The following NGEF variants were observed in gnomAD, a reference collection of about 807,000 sequenced individuals.
The protein encoded by NGEF is ephexin-1.
In NGEF, 31 loss-of-function variants were observed where a neutral mutation model predicts 80.9. The ratio of observed to expected loss-of-function variants is 0.38; its 90% confidence interval spans 0.29 to 0.52. The LOEUF is 0.52. NGEF is among the 20% of genes least tolerant of loss of function. The pLI, the probability that NGEF is intolerant of heterozygous loss-of-function variation, is 0.84. For missense variants in NGEF, 709 were observed against 926.2 expected (o/e 0.77, Z 3.04); for synonymous variants, 371 against 370.2 (o/e 1.00, Z -0.03).
At chr2:232,934,530 T>C (rs1170447245) in intron 3 of NGEF, among the ~76,000 whole-genome samples, 2 of 152,212 alleles carry the variant, frequency 1.3e-5, no homozygotes, top group Admixed American at 6.5e-5. Flanking sequence ...TTCTAAGGCA[T>C]GTAACCTTCA....
intron 1 of NGEF, among the ~76,000 whole-genome samples, chr2:232,976,281 T>A (rs938570): frequency 6.6e-6 from 1 of 151,834 alleles, no homozygotes; most frequent in Non-Finnish European, 1.5e-5. Flanking sequence ...TCATCAGGAG[T>A]GTTTGTCTGT....
Position 232,884,133 on chromosome 2 carries a change from G to T in NGEF, c.1449C>A (p.Ile483=). ...KMEFKIKSVP[I]ISHSRWLLKQ... is the part of the protein sequence containing the mutation. Reference sequence around the variant, plus strand: ...TCAGCAGCCAGCGGGAGTGGGAGATGATGGGCACCGACTGCAGCGGGGAAA... The same window carrying T: ...TCAGCAGCCAGCGGGAGTGGGAGATTATGGGCACCGACTGCAGCGGGGAAA... Residue 483 remains isoleucine, a synonymous_variant, in exon 11 of 15, where the codon ATC becomes ATA. Transcript: ENST00000264051. 1 of 1,600,728 alleles carries T rather than the reference G, an allele frequency of 6.2e-7. No individual in the cohort carries two copies.
rs533144874 is a variant in NGEF at position 232,905,828 on chromosome 2, G to A, written c.829-10912C>T. On this transcript the variant is annotated intron_variant, in intron 5 of 14. Transcript: ENST00000264051. Reference sequence around the variant, plus strand: ...GAGAAGTGAGGAGCCCCTCCGCCCGGCTGCCACCCCGTCTGGGAAGTGAGG... The same window carrying A: ...GAGAAGTGAGGAGCCCCTCCGCCCGACTGCCACCCCGTCTGGGAAGTGAGG... The A allele has an allele frequency of 1.5e-4, 43 of 290,982 alleles. 1 individual carries two copies. Among genetic ancestry groups the A allele is most frequent in the Middle Eastern group, 1.1e-3 (1 of 870 alleles). The allele number at this position is 290,982 out of a possible 1,614,324, so 18.0% of individuals were successfully genotyped here. A position where few individuals can be genotyped will look rare whatever the true frequency, so the allele number is the denominator to read the frequency against.
intron 6 of NGEF, among the ~76,000 whole-genome samples, chr2:232,893,549 G>A (rs1248988261): frequency 5.9e-5 from 9 of 152,172 alleles, no homozygotes; most frequent in African/African-American, 1.2e-4. Flanking sequence ...CGAGGCGGGC[G>A]GATCACCTGA....
chr2:232,928,252 GGC>G, intron 3 of NGEF: 1 of 835,820 alleles, frequency 1.2e-6, no homozygotes, highest in Non-Finnish European at 1.4e-6. Context: ...GCGGCGGCGG[GGC>G]GGGGGCGCCC....
intron 3 of NGEF, among the ~76,000 whole-genome samples, chr2:232,947,609 C>T (rs1476464161): frequency 3.3e-5 from 5 of 152,194 alleles, no homozygotes; most frequent in East Asian, 3.8e-4. Context: ...GTGTCTGCTT[C>T]GCCTTCTGCC....
At chr2:232,950,022 G>A (rs902084758) in intron 3 of NGEF, among the ~76,000 whole-genome samples, 1 of 151,992 alleles carries the variant, frequency 6.6e-6, no homozygotes, top group Non-Finnish European at 1.5e-5. Context: ...ATGTTGGCCA[G>A]GCTGGTCTCA....
chr2:232,883,028 G>A (rs1036513579), intron 12 of NGEF, among the ~76,000 whole-genome samples: 2 of 151,510 alleles, frequency 1.3e-5, no homozygotes, highest in African/African-American at 2.4e-5. Context: ...AGAGGGACTC[G>A]CCCAGAGTCT....
intron 5 of NGEF, among the ~76,000 whole-genome samples, chr2:232,903,572 T>A (rs1692416844): frequency 6.6e-6 from 1 of 152,158 alleles, no homozygotes. Context: ...TGCATACATT[T>A]TTTAACCAAA....
intron 3 of NGEF, among the ~76,000 whole-genome samples, chr2:232,950,658 G>A (rs1050644962): frequency 6.6e-6 from 1 of 152,210 alleles, no homozygotes; most frequent in Non-Finnish European, 1.5e-5. Context: ...CTTGGGCCTT[G>A]GGCATACCCC....
chr2:232,927,940 G>A, intron 3 of NGEF: 1 of 1,347,416 alleles, frequency 7.4e-7, no homozygotes, highest in African/African-American at 1.5e-5. Context: ...CGCTTTCCGA[G>A]GTGGAACTGT....
chr2:233,010,576 T>C (rs1574670149), intron 1 of NGEF, among the ~76,000 whole-genome samples: 1 of 117,086 alleles, frequency 8.5e-6, no homozygotes, highest in East Asian at 2.1e-4. Context: ...GAACGTGTGA[T>C]TTTTTTTTTT....
At chr2:232,943,785 G>A (rs1366605410) in intron 3 of NGEF, among the ~76,000 whole-genome samples, 2 of 151,708 alleles carry the variant, frequency 1.3e-5, no homozygotes, top group African/African-American at 4.8e-5. Flanking sequence ...GTGAGCCACT[G>A]TGCCCGGCCC....
chr2:232,927,205 G>C lies in NGEF; in HGVS notation c.384-19C>G. On this transcript the variant is annotated intron_variant, in intron 3 of 14. Coordinates refer to ENST00000264051, the MANE Select transcript of NGEF (RefSeq NM_019850.3). ...CGACTCACTGCCAGAGAGGGAGGAG[G>C]ACAGGGGCTGGTTATTTTTAAGCAA... 6.5e-7 allele frequency: 1 copy of C among 1,546,078 alleles called. No individual in the cohort carries two copies. Among genetic ancestry groups the C allele is most frequent in the South Asian group, 1.2e-5 (1 of 80,616 alleles).
chr2:232,966,495 A>G (rs1393158310), intron 3 of NGEF, among the ~76,000 whole-genome samples: 4 of 152,012 alleles, frequency 2.6e-5, no homozygotes, highest in Non-Finnish European at 4.4e-5. Context: ...CCGGGTGTGA[A>G]CAAGGTGCCT....
intron 3 of NGEF, among the ~76,000 whole-genome samples, chr2:232,945,002 T>C (rs1159122837): frequency 1.3e-5 from 2 of 152,044 alleles, no homozygotes; most frequent in African/African-American, 2.4e-5. Context: ...TCTGTCCATC[T>C]TGGCCTCTTA....
intron 3 of NGEF, among the ~76,000 whole-genome samples, chr2:232,947,481 AT>A (rs1273878596): frequency 1.3e-5 from 2 of 152,030 alleles, no homozygotes; most frequent in Non-Finnish European, 2.9e-5. Flanking sequence ...TATGGGGGCG[AT>A]TTCCCCCATG....
At chr2:233,002,365 A>G (rs1394215031) in intron 1 of NGEF, among the ~76,000 whole-genome samples, 1 of 152,212 alleles carries the variant, frequency 6.6e-6, no homozygotes, top group Non-Finnish European at 1.5e-5. Flanking sequence ...TAAGACAGGC[A>G]GTACATGGAC....
chr2:232,944,512 C>G (rs1051686463), intron 3 of NGEF, among the ~76,000 whole-genome samples: 3 of 151,780 alleles, frequency 2.0e-5, no homozygotes, highest in African/African-American at 7.3e-5. Flanking sequence ...TGTCCTGGGA[C>G]TGAAATTAAG....
Sources: allele counts gnomAD v4.1 joint callset (sites outside exome capture counted in the v4.1 genomes callset), GRCh38; gene constraint gnomAD v4.1.1; transcripts MANE v1.5; gene names NCBI Gene and HGNC (gene_info 2026-07-23, HGNC 2026-07-21).